The following SLC39A11 variants were observed in gnomAD, a reference collection of about 807,000 sequenced individuals.
SLC39A11 encodes solute carrier family 39 member 11.
A neutral mutation model predicts 36.1 loss-of-function variants in SLC39A11; 33 were observed. The observed-to-expected ratio is 0.91, with a 90% CI of 0.69 to 1.22. The LOEUF (loss-of-function observed/expected upper bound fraction) is 1.22. Among genes scored for constraint, SLC39A11 ranks in the 50% most tolerant of loss-of-function variants. SLC39A11 has a pLI of 0.00. For missense variants in SLC39A11, 432 were observed against 430.3 expected (o/e 1.00, Z -0.03); for synonymous variants, 166 against 170.3 (o/e 0.97, Z 0.20).
intron 4 of SLC39A11, among the ~76,000 whole-genome samples, chr17:72,979,035 G>A (rs2088083805): frequency 6.6e-6 from 1 of 152,144 alleles, no homozygotes; most frequent in African/African-American, 2.4e-5. Context: ...ATCTTGAATT[G>A]TAAACCCCAT....
intron 6 of SLC39A11, among the ~76,000 whole-genome samples, chr17:72,802,445 C>T (rs764308625): frequency 1.5e-4 from 23 of 151,870 alleles, no homozygotes; most frequent in Non-Finnish European, 2.6e-4. Context: ...CAAAAATTAG[C>T]TGGGCACGGT....
intron 6 of SLC39A11, among the ~76,000 whole-genome samples, chr17:72,751,401 G>A (rs901604219): frequency 4.6e-5 from 7 of 152,104 alleles, no homozygotes; most frequent in Admixed American, 1.3e-4. Flanking sequence ...TCCTCTCATC[G>A]TCTAGGTTTT....
At chr17:72,743,748 G>A (rs141863888) in intron 6 of SLC39A11, among the ~76,000 whole-genome samples, 1 of 152,156 alleles carries the variant, frequency 6.6e-6, no homozygotes, top group African/African-American at 2.4e-5. Flanking sequence ...GAACTCACTG[G>A]GGGGAAAAGG....
chr17:72,777,452 T>G (rs904999494), intron 6 of SLC39A11, among the ~76,000 whole-genome samples: 2 of 152,138 alleles, frequency 1.3e-5, no homozygotes, highest in African/African-American at 4.8e-5. Context: ...GAGGTCATAC[T>G]GGATTAGGGT....
chr17:72,724,103 AT>A (rs935971350), intron 7 of SLC39A11, among the ~76,000 whole-genome samples: 127 of 146,198 alleles, frequency 8.7e-4, no homozygotes, highest in East Asian at 5.9e-3. Context: ...TGTCCCTTTT[AT>A]TTTTTTTTTT....
chr17:73,024,366 C>T (rs2058458221), intron 4 of SLC39A11, among the ~76,000 whole-genome samples: 1 of 152,222 alleles, frequency 6.6e-6, no homozygotes, highest in Non-Finnish European at 1.5e-5. Context: ...CAAAGGGCTA[C>T]TGTTCAATGT....
intron 6 of SLC39A11, among the ~76,000 whole-genome samples, chr17:72,794,183 TC>T (rs1228970737): frequency 6.6e-6 from 1 of 152,022 alleles, no homozygotes; most frequent in East Asian, 1.9e-4. Context: ...TCACAATGGG[TC>T]CCAGCACCTG....
intron 6 of SLC39A11, chr17:72,823,896 A>C (rs1360774658): frequency 6.6e-6 from 1 of 151,378 alleles, no homozygotes; most frequent in South Asian, 2.1e-4. Flanking sequence ...GTAGAGAGCA[A>C]ACAAGCGTAG....
rs553994594 is a variant in SLC39A11, at chr17:73,025,031, T to C, written c.306+6525A>G. On this transcript the variant is annotated intron_variant, in intron 4 of 9. Coordinates refer to ENST00000255559, the MANE Select transcript of SLC39A11 (RefSeq NM_139177.4). ...GCGCCTGGCCAAAACTGGGTACATA[T>C]TCAAAGTACACACGCACACTGTTCA... Among the ~76,000 whole-genome samples the C allele has an allele frequency of 1.0e-3, 152 of 152,184 alleles. 1 individual carries two copies. Among genetic ancestry groups the C allele is most frequent in the African/African-American group, 3.6e-3 (148 of 41,546 alleles).
chr17:72,904,862 G>C (rs2082568641), intron 5 of SLC39A11, among the ~76,000 whole-genome samples: 2 of 152,178 alleles, frequency 1.3e-5, no homozygotes, highest in African/African-American at 4.8e-5. Flanking sequence ...CCCATCAGCA[G>C]GGATTTCTTT....
chr17:72,948,444 T>C (rs2085599344), intron 4 of SLC39A11, among the ~76,000 whole-genome samples: 1 of 151,968 alleles, frequency 6.6e-6, no homozygotes, highest in Admixed American at 6.6e-5. Flanking sequence ...AGTTGGTTCC[T>C]GATCTATCAA....
At chr17:72,741,459 GTAA>G (rs1234424935) in intron 6 of SLC39A11, among the ~76,000 whole-genome samples, 1 of 152,146 alleles carries the variant, frequency 6.6e-6, no homozygotes, top group African/African-American at 2.4e-5. Context: ...TATTTTTACA[GTAA>G]TCAATGATAG....
intron 7 of SLC39A11, among the ~76,000 whole-genome samples, chr17:72,674,821 G>C (rs1382048527): frequency 1.3e-4 from 20 of 152,112 alleles, no homozygotes; most frequent in Non-Finnish European, 5.9e-5. Context: ...TCATCTGCTT[G>C]AGGATGATTT....
intron 5 of SLC39A11, among the ~76,000 whole-genome samples, chr17:72,891,977 G>A (rs994871632): frequency 1.3e-5 from 2 of 152,120 alleles, no homozygotes; most frequent in Admixed American, 6.5e-5. Context: ...CACACAGTAG[G>A]TGCTCAATAA....
intron 7 of SLC39A11, among the ~76,000 whole-genome samples, chr17:72,670,820 T>C (rs2070991459): frequency 6.6e-6 from 1 of 152,188 alleles, no homozygotes; most frequent in Admixed American, 6.5e-5. Flanking sequence ...TCATCTTGTA[T>C]TTTCACTCCC....
At chr17:72,914,992 C>T (rs190796632) in intron 5 of SLC39A11, among the ~76,000 whole-genome samples, 107 of 152,278 alleles carry the variant, frequency 7.0e-4, no homozygotes, top group Middle Eastern at 3.4e-3. Context: ...CAGGCTGGGG[C>T]CACTTTGTTT....
chr17:73,004,205 A>C (rs1447288534), intron 4 of SLC39A11, among the ~76,000 whole-genome samples: 1 of 128,572 alleles, frequency 7.8e-6, no homozygotes, highest in African/African-American at 2.8e-5. Context: ...GAAAGAAAGA[A>C]AGAAAGAAAG....
intron 4 of SLC39A11, among the ~76,000 whole-genome samples, chr17:72,954,016 T>C (rs1280660015): frequency 3.3e-5 from 5 of 152,234 alleles, no homozygotes; most frequent in South Asian, 4.1e-4. Context: ...TGCTGGCCCA[T>C]GAAGGGCAGT....
chr17:72,776,738 T>C (rs1053869692), intron 6 of SLC39A11, among the ~76,000 whole-genome samples: 2 of 151,848 alleles, frequency 1.3e-5, no homozygotes, highest in Admixed American at 6.6e-5. Flanking sequence ...TCTGGTCTGA[T>C]TTCATCCTCA....
Sources: allele counts gnomAD v4.1 joint callset (sites outside exome capture counted in the v4.1 genomes callset), GRCh38; gene constraint gnomAD v4.1.1; transcripts MANE v1.5; gene names NCBI Gene and HGNC (gene_info 2026-07-23, HGNC 2026-07-21).